Variants in RSF1 observed in about 807,000 individuals in gnomAD.
RSF1 encodes HBV pX-associated protein 8.
RSF1 carries 13 observed loss-of-function variants against 145.2 expected under a neutral mutation model. The observed-to-expected ratio is 0.09, with a 90% CI of 0.06 to 0.14. The LOEUF (loss-of-function observed/expected upper bound fraction) is 0.14. Among genes scored for constraint, RSF1 ranks in the 10% least tolerant of loss-of-function variants. RSF1 has a pLI of 1.00. For missense variants in RSF1, 1,517 were observed against 1,718.2 expected (o/e 0.88, Z 2.07); for synonymous variants, 577 against 592.6 (o/e 0.97, Z 0.38).
rs758019060 is a variant in RSF1 at position 77,740,956 on chromosome 11, T to C, written c.373-20A>G. ...GAGGTACTGAAAAATAGTCATAACA[T>C]GACTTAAAATACCTCACAAATATTT... On this transcript the variant is annotated intron_variant, in intron 3 of 15. Coordinates refer to ENST00000308488, the MANE Select transcript of RSF1 (RefSeq NM_016578.4). 14 of 1,536,688 alleles carry C rather than the reference T, an allele frequency of 9.1e-6. No individual in the cohort carries two copies. The highest frequency in any genetic ancestry group is 1.2e-5 in the Non-Finnish European group (13 of 1,112,062).
chr11:77,867,312 AT>A, the RSF1 span, among the ~76,000 whole-genome samples: 60,239 of 151,920 alleles, frequency 0.4, 12,478 homozygotes, highest in African/African-American at 0.5. Flanking sequence ...CAACCACTGC[AT>A]TCAAGGCCTA....
At chr11:77,742,316 T>C (rs1220362186) in intron 3 of RSF1, among the ~76,000 whole-genome samples, 2 of 152,116 alleles carry the variant, frequency 1.3e-5, no homozygotes, top group African/African-American at 2.4e-5. Flanking sequence ...AGTTTCATTC[T>C]GTCACCAGGC....
chr11:77,783,842 A>AG (rs1323102948), intron 1 of RSF1, among the ~76,000 whole-genome samples: 1 of 147,106 alleles, frequency 6.8e-6, no homozygotes, highest in African/African-American at 2.5e-5. Context: ...ACCCGATTTC[A>AG]AAAAAAAAAA....
At chr11:77,792,068 T>C (rs1948522945) in intron 1 of RSF1, among the ~76,000 whole-genome samples, 1 of 152,216 alleles carries the variant, frequency 6.6e-6, no homozygotes, top group Admixed American at 6.5e-5. Flanking sequence ...AAGAGGTTTA[T>C]TGCATTTGCA....
upstream of RSF1, among the ~76,000 whole-genome samples, chr11:77,821,908 C>T (rs1948924032): frequency 6.6e-6 from 1 of 152,026 alleles, no homozygotes; most frequent in Non-Finnish European, 1.5e-5. Flanking sequence ...TTCTTTATTT[C>T]TTTGAACTCC....
chr11:77,699,325 T>G (rs1034783016), intron 6 of RSF1, among the ~76,000 whole-genome samples: 1 of 152,216 alleles, frequency 6.6e-6, no homozygotes, highest in Non-Finnish European at 1.5e-5. Flanking sequence ...AACAGCTTTT[T>G]ATTGCGTAGT....
Position 77,666,604 on chromosome 11 carries a change from A to T in RSF1, c.*313T>A, listed in dbSNP as rs1959369016. ...ATCCACCCTTTTTCACAAAGTCAGG[A>T]GAGCTCAGGAAATATAAAGTCAAAA... On this transcript the variant is annotated 3_prime_UTR_variant, in exon 16 of 16. Coordinates refer to ENST00000308488, the MANE Select transcript of RSF1 (RefSeq NM_016578.4). 1 of 176,568 alleles carries T rather than the reference A, an allele frequency of 5.7e-6. No individual in the cohort carries two copies. The highest frequency in any genetic ancestry group is 1.2e-5 in the Non-Finnish European group (1 of 84,522). 10.9% of individuals were successfully genotyped at this position (176,568 alleles called of 1,614,324 possible). A position where few individuals can be genotyped will look rare whatever the true frequency, so the allele number is the denominator to read the frequency against.
At chr11:77,709,769 G>A (rs2135865020) in intron 5 of RSF1, among the ~76,000 whole-genome samples, 1 of 151,994 alleles carries the variant, frequency 6.6e-6, no homozygotes, top group South Asian at 2.1e-4. Flanking sequence ...GCACTGGTAT[G>A]ATCATACCTC....
rs1451891168 is a variant in RSF1 at position 77,667,300 on chromosome 11, G to A, written c.3943C>T (p.His1315Tyr). ...TDEEESCDNAHGDANQPARDS... is the reference protein window; with the variant it reads ...TDEEESCDNAYGDANQPARDS... ...CGGGCAGGCTGATTTGCATCTCCAT[G>A]AGCATTGTCACAACTCTCCTCCTCA... Residue 1315 changes from histidine (H) to tyrosine (Y), a missense_variant, in exon 16 of 16, where the codon CAT becomes TAT. By Grantham distance (83) the His-to-Tyr change is moderately conservative. Around this residue, in one of 12 missense-constraint regions of RSF1, gnomAD observed 240 missense variants for 231.8 expected, o/e 1.04. Coordinates refer to ENST00000308488, the MANE Select transcript of RSF1 (RefSeq NM_016578.4). 9.9e-6 allele frequency: 16 copies of A among 1,614,170 alleles called. No individual in the cohort carries two copies. The highest frequency in any genetic ancestry group is 1.2e-5 in the Non-Finnish European group (14 of 1,180,028).
chr11:77,821,287 G>T, upstream of RSF1: 1 of 195,520 alleles, frequency 5.1e-6, no homozygotes. Flanking sequence ...AGATGGTGGA[G>T]AGGTTGAGGA....
intron 5 of RSF1, among the ~76,000 whole-genome samples, chr11:77,725,100 T>C (rs943176494): frequency 6.6e-6 from 1 of 152,170 alleles, no homozygotes; most frequent in African/African-American, 2.4e-5. Context: ...GAGTTTAGTG[T>C]TTAAAACATA....
chr11:77,793,751 T>C (rs1222161139), intron 1 of RSF1, among the ~76,000 whole-genome samples: 3 of 152,272 alleles, frequency 2.0e-5, no homozygotes, highest in South Asian at 4.1e-4. Context: ...ACTGGCTCCA[T>C]GTGCGTCCCT....
At chr11:77,805,782 T>C (rs538113607) in intron 1 of RSF1, among the ~76,000 whole-genome samples, 2 of 152,372 alleles carry the variant, frequency 1.3e-5, no homozygotes, top group Admixed American at 1.3e-4. Flanking sequence ...AGTACTTATA[T>C]GTAAGTTACC....
Position 77,678,114 on chromosome 11 carries a change from T to C in RSF1, c.3105A>G (p.Glu1035=), listed in dbSNP as rs773070781. Residue 1035 remains glutamate, a synonymous_variant, in exon 12 of 16, where the codon GAA becomes GAG. Transcript: ENST00000308488. ...EFDEAIDEAI[E]DDIKEADGGG... is the part of the protein sequence containing the mutation. ...CTCCATCGGCTTCTTTGATGTCATC[T>C]TCAATAGCTTCATCAATTGCTTCAT... is the stretch of plus-strand genomic sequence containing the variant. 1.9e-6 allele frequency: 3 copies of C among 1,611,834 alleles called. No homozygotes were observed. The highest frequency in any genetic ancestry group is 2.5e-6 in the Non-Finnish European group (3 of 1,178,880).
the RSF1 span, among the ~76,000 whole-genome samples, chr11:77,844,735 G>A: frequency 1.3e-5 from 2 of 152,008 alleles, no homozygotes; most frequent in African/African-American, 4.8e-5. Flanking sequence ...TAGGGATTTT[G>A]TTTTGTTGTT....
the RSF1 span, among the ~76,000 whole-genome samples, chr11:77,846,819 G>A: frequency 6.6e-6 from 1 of 152,094 alleles, no homozygotes; most frequent in Admixed American, 6.5e-5. Context: ...AATTTGTCTT[G>A]TATTCTAAGT....
intron 7 of RSF1, among the ~76,000 whole-genome samples, chr11:77,697,990 A>G (rs1182748556): frequency 6.6e-6 from 1 of 152,186 alleles, no homozygotes; most frequent in Non-Finnish European, 1.5e-5. Flanking sequence ...ATCATTATAA[A>G]GTTACCTATT....
Position 77,661,638 on chromosome 11 carries a change from T to C in RSF1, c.*5279A>G, listed in dbSNP as rs574097047. The C allele has an allele frequency of 4.6e-5, 7 of 152,186 alleles. No homozygotes were observed. Among genetic ancestry groups the C allele is most frequent in the African/African-American group, 1.2e-4 (5 of 41,542 alleles). 9.4% of individuals were successfully genotyped at this position (152,186 alleles called of 1,614,324 possible). Reference sequence around the variant, plus strand: ...TTTAATTACATAATGCACCTGTAGATGATCTAGCATAAACACAATTGTAAA... The same window carrying C: ...TTTAATTACATAATGCACCTGTAGACGATCTAGCATAAACACAATTGTAAA... On this transcript the variant is annotated 3_prime_UTR_variant, in exon 16 of 16. Coordinates refer to ENST00000308488, the MANE Select transcript of RSF1 (RefSeq NM_016578.4).
chr11:77,800,258 G>A (rs1481198983), intron 1 of RSF1, among the ~76,000 whole-genome samples: 2 of 152,072 alleles, frequency 1.3e-5, no homozygotes, highest in African/African-American at 2.4e-5. Flanking sequence ...TTGGGAGGCC[G>A]ATGTGGGTGG....
Sources: gnomAD v4.1 joint callset for allele counts (sites outside exome capture counted in the v4.1 genomes callset) on GRCh38, gnomAD v4.1.1 for gene constraint, gnomAD v4.1.1 regional missense constraint, MANE v1.5 for transcripts, NCBI Gene and HGNC (gene_info 2026-07-23, HGNC 2026-07-21) for gene names.